TRDN: variants seen among roughly 807,000 people sequenced by gnomAD.
TRDN encodes the protein triadin.
A neutral mutation model predicts 149.7 loss-of-function variants in TRDN; 161 were observed. The observed-to-expected ratio is 1.08, with a 90% CI of 0.95 to 1.23. The LOEUF is 1.23. Among genes scored for constraint, TRDN ranks in the 50% most tolerant of loss-of-function variants. The pLI is 0.00. For synonymous variants in TRDN, 294 were observed against 250.5 expected (o/e 1.17, Z -1.64); for missense variants, 896 against 823.5 (o/e 1.09, Z -1.08).
At chr6:123,332,017 A>C in intron 22 of TRDN, 88 bp from the exon 23 acceptor site, 2 of 1,017,154 alleles carry the variant, frequency 2.0e-6, no homozygotes, top group Middle Eastern at 2.2e-4. Flanking sequence ...TGAAAGTATC[A>C]GTAAGCTGAA....
intron 9 of TRDN, among the ~76,000 whole-genome samples, chr6:123,465,519 T>C (rs1776732901): frequency 6.8e-6 from 1 of 147,778 alleles, no homozygotes; most frequent in Admixed American, 6.9e-5. Context: ...AGAGAAAATA[T>C]ATTCAGTTTT....
chr6:123,483,320 T>A (rs534765181), intron 9 of TRDN, among the ~76,000 whole-genome samples: 2 of 151,828 alleles, frequency 1.3e-5, no homozygotes, highest in South Asian at 4.2e-4. Context: ...GCCAGGATGG[T>A]CTCGGTCTCC....
intron 4 of TRDN, among the ~76,000 whole-genome samples, chr6:123,538,336 G>C (rs1203898541): frequency 1.3e-5 from 2 of 152,068 alleles, no homozygotes; most frequent in Middle Eastern, 3.2e-3. Flanking sequence ...AGCAAATCTT[G>C]TTATCTATTT....
chr6:123,277,909 CA>C (rs1308188294), intron 26 of TRDN, among the ~76,000 whole-genome samples: 1 of 152,146 alleles, frequency 6.6e-6, no homozygotes, highest in Non-Finnish European at 1.5e-5. Context: ...CAGAACCAGA[CA>C]GTTGAGTGTT....
At position 123,255,082 on chromosome 6, in the gene TRDN, T is replaced by A; in HGVS notation, c.1950A>T (p.Lys650Asn). The change falls in exon 37 of 41, where the codon AAA (lysine) becomes AAT (asparagine). Residue 650 changes from lysine (K) to asparagine (N), a missense_variant and splice_region_variant. Lys to Asn is a moderately conservative substitution (Grantham distance 94). Transcript: ENST00000334268. ...KESLQLHNVT[K>N]AEKPARVSKD... ...AGTAGTTACGTAATTCAAGATTACC[T>A]TTTGTCACATTGTGTAATTGAAGAC... is the stretch of plus-strand genomic sequence containing the variant. The A allele has an allele frequency of 7.3e-7, 1 of 1,376,376 alleles. No individual in the cohort carries two copies. 85.3% of individuals were successfully genotyped at this position (1,376,376 alleles called of 1,614,324 possible).
intron 23 of TRDN, among the ~76,000 whole-genome samples, chr6:123,327,118 G>A (rs539757087): frequency 3.3e-5 from 5 of 151,934 alleles, no homozygotes; most frequent in Non-Finnish European, 7.4e-5. Context: ...TTTCCTACAT[G>A]AGAAACAAGT....
intron 5 of TRDN, among the ~76,000 whole-genome samples, chr6:123,522,109 C>T (rs1358842287): frequency 6.6e-6 from 1 of 152,128 alleles, no homozygotes; most frequent in African/African-American, 2.4e-5. Flanking sequence ...CATATGCTGT[C>T]TCTCCAGTAT....
In TRDN at chr6:123,273,329, A is replaced by G. The variant is rs759089107; in HGVS notation, c.1624+8T>C. On this transcript the variant is annotated splice_region_variant and intron_variant, in intron 28 of 40. Coordinates refer to ENST00000334268, the MANE Select transcript of TRDN (RefSeq NM_006073.4). The stretch of plus-strand genomic sequence containing the variant: ...AGTCTAAGCATAAAAGATAAAATTA[A>G]TACATACTGTGTATTTGCACTTTTT... 1 of 1,075,506 alleles carries G rather than the reference A, an allele frequency of 9.3e-7. No individual in the cohort carries two copies. 66.6% of individuals were successfully genotyped at this position (1,075,506 alleles called of 1,614,324 possible).
At chr6:123,437,833 G>T (rs562308731) in intron 12 of TRDN, among the ~76,000 whole-genome samples, 1 of 151,980 alleles carries the variant, frequency 6.6e-6, no homozygotes, top group Admixed American at 6.6e-5. Context: ...CGTTTTTTTG[G>T]GGGGGAATTG....
At chr6:123,568,172 T>C (rs1490112366) in intron 2 of TRDN, among the ~76,000 whole-genome samples, 2 of 152,202 alleles carry the variant, frequency 1.3e-5, no homozygotes, top group Non-Finnish European at 2.9e-5. Flanking sequence ...AAAATAATCT[T>C]TCACTCTGTG....
At position 123,551,203 on chromosome 6, in the gene TRDN, G is replaced by GATATATATATATATAT. The variant is rs10547981; in HGVS notation, c.233-2607_233-2592dup. 2.3e-3 allele frequency among the ~76,000 whole-genome samples: 268 copies of GATATATATATATATAT among 118,052 alleles called. 24 individuals carry two copies. The highest frequency in any genetic ancestry group is 6.1e-3 in the African/African-American group (186 of 30,284). The allele number at this position is 118,052 out of a possible 152,430, so 77.4% of individuals were successfully genotyped here. On this transcript the variant is annotated intron_variant, in intron 2 of 40. Transcript: ENST00000334268. ...TTAAATGCACTGTATGTATTTTGCA[G>GATATATATATATATAT]ATATATATATATATATATATTGCCT...
intron 9 of TRDN, among the ~76,000 whole-genome samples, chr6:123,472,009 C>CA (rs1562332272): frequency 6.6e-6 from 1 of 152,042 alleles, no homozygotes; most frequent in African/African-American, 2.4e-5. Flanking sequence ...TTAAGATAGA[C>CA]AAAAAATGGT....
In TRDN at chr6:123,255,750, A is replaced by G. The variant is rs1048289132; in HGVS notation, c.1906+117T>C. The G allele has an allele frequency of 7.7e-6, 4 of 517,960 alleles. No individual in the cohort carries two copies. In the African/African-American group the frequency reaches 8.1e-5, roughly 11 times the overall value. 32.1% of individuals were successfully genotyped at this position (517,960 alleles called of 1,614,324 possible). A position where few individuals can be genotyped will look rare whatever the true frequency, so the allele number is the denominator to read the frequency against. On this transcript the variant is annotated intron_variant, in intron 36 of 40. Coordinates refer to ENST00000334268, the MANE Select transcript of TRDN (RefSeq NM_006073.4). Reference sequence around the variant, plus strand: ...CCATATTTCTTCTTTTACTCAGGCTAACACTCATCACATACATTTAGAAAA... The same window carrying G: ...CCATATTTCTTCTTTTACTCAGGCTGACACTCATCACATACATTTAGAAAA...
intron 9 of TRDN, among the ~76,000 whole-genome samples, chr6:123,482,191 G>T (rs911399575): frequency 4.6e-5 from 7 of 152,110 alleles, no homozygotes; most frequent in African/African-American, 1.7e-4. Context: ...AAAGAAATCT[G>T]GTTTTGGAGT....
chr6:123,502,521 G>T, intron 8 of TRDN: 1 of 960,720 alleles, frequency 1.0e-6, no homozygotes, highest in Non-Finnish European at 1.2e-6. Flanking sequence ...TGTATCTTTT[G>T]TCATATAAAT....
chr6:123,306,008 G>T (rs1778595813), intron 24 of TRDN, among the ~76,000 whole-genome samples: 1 of 152,106 alleles, frequency 6.6e-6, no homozygotes. Context: ...TTAGGTTTAA[G>T]CTTTCAAACT....
intron 1 of TRDN, among the ~76,000 whole-genome samples, chr6:123,601,399 C>T (rs949869086): frequency 7.9e-5 from 12 of 152,052 alleles, no homozygotes; most frequent in African/African-American, 2.9e-4. Context: ...GGTATGCATA[C>T]CCATAGGATT....
chr6:123,467,952 A>T (rs1369368259), intron 9 of TRDN, among the ~76,000 whole-genome samples: 6 of 152,140 alleles, frequency 3.9e-5, no homozygotes, highest in African/African-American at 7.2e-5. Flanking sequence ...TGAAAATCTC[A>T]TAACATCTCC....
At chr6:123,441,094 A>C (rs1216772919) in intron 10 of TRDN, 1 of 152,118 alleles carries the variant, frequency 6.6e-6, no homozygotes, top group Non-Finnish European at 1.5e-5. Flanking sequence ...TAAAATGTCA[A>C]CTTCTCAAGA....
Sources: gnomAD v4.1 joint callset for allele counts (sites outside exome capture counted in the v4.1 genomes callset) on GRCh38, gnomAD v4.1.1 for gene constraint, MANE v1.5 for transcripts, NCBI Gene and HGNC (gene_info 2026-07-23, HGNC 2026-07-21) for gene names.